TMEM106B: variants seen among roughly 807,000 people sequenced by gnomAD.
TMEM106B encodes the protein transmembrane protein 106B.
Under a neutral mutation model 31.1 loss-of-function variants are expected in TMEM106B, and 15 were observed. The ratio of observed to expected loss-of-function variants is 0.48; its 90% CI spans 0.32 to 0.74. The LOEUF is 0.74. Among genes scored for constraint, TMEM106B ranks in the 30% least tolerant of loss-of-function variants. TMEM106B has a pLI of 0.03. For missense variants in TMEM106B, 283 were observed against 327.3 expected (o/e 0.86, Z 1.04); for synonymous variants, 126 against 112.5 (o/e 1.12, Z -0.76).
chr7:12,225,407 T>C (rs1583455329), intron 4 of TMEM106B, among the ~76,000 whole-genome samples: 2 of 152,272 alleles, frequency 1.3e-5, no homozygotes, highest in East Asian at 1.9e-4. Flanking sequence ...CTGGGTCAAA[T>C]GGTATTTCTA....
At chr7:12,217,525 C>T (rs866052639) in intron 2 of TMEM106B, among the ~76,000 whole-genome samples, 10 of 152,206 alleles carry the variant, frequency 6.6e-5, no homozygotes, top group Non-Finnish European at 1.2e-4. Flanking sequence ...GTGTGTTTTT[C>T]TGTGTCCATG....
Position 12,239,673 on chromosome 7 carries a change from A to C in TMEM106B, c.*7698A>C, listed in dbSNP as rs1276682484. 6.6e-6 allele frequency: 1 copy of C among 152,126 alleles called. No homozygotes were observed. The highest frequency in any genetic ancestry group is 2.4e-5 in the African/African-American group (1 of 41,422). The allele number at this position is 152,126 out of a possible 1,614,324, so 9.4% of individuals were successfully genotyped here. A position where few individuals can be genotyped will look rare whatever the true frequency, so the allele number is the denominator to read the frequency against. ...TAGGATTATTAATTGGCCTAATTTC[A>C]ATGTTATTTTGTCTCAAGGAGAGAG... On this transcript the variant is annotated 3_prime_UTR_variant, in exon 8 of 8. Coordinates refer to ENST00000396668, the MANE Select transcript of TMEM106B (RefSeq NM_001134232.2).
intron 5 of TMEM106B, 130 bp downstream of exon 5, chr7:12,229,949 G>T: frequency 1.9e-6 from 2 of 1,036,382 alleles, no homozygotes; most frequent in Non-Finnish European, 1.4e-6. Context: ...GGGTACAGTG[G>T]CTCATGCCTG....
rs1296853505 is a variant in TMEM106B, at chr7:12,234,141, C to G, written c.*2166C>G. The stretch of plus-strand genomic sequence containing the variant: ...ACAAAAATCAATCCTTGTTTTCTTG[C>G]TTGTGTCTTTTAACCTTGGAAAATT... On this transcript the variant is annotated 3_prime_UTR_variant, in exon 8 of 8. Transcript: ENST00000396668. 1.3e-5 allele frequency: 2 copies of G among 151,708 alleles called. No individual in the cohort carries two copies. Among genetic ancestry groups the G allele is most frequent in the Non-Finnish European group, 3.0e-5 (2 of 67,738 alleles). The allele number at this position is 151,708 out of a possible 1,614,324, so 9.4% of individuals were successfully genotyped here. A position where few individuals can be genotyped will look rare whatever the true frequency, so the allele number is the denominator to read the frequency against.
rs934110207 is a variant in TMEM106B, at chr7:12,227,879, C to A, written c.442-1800C>A. On this transcript the variant is annotated intron_variant, in intron 4 of 7. Coordinates refer to ENST00000396668, the MANE Select transcript of TMEM106B (RefSeq NM_001134232.2). ...CTTAATTCTCATAAGGATTTGTATT[C>A]TCAACCTGTATTACATCATTGATCC... Among the ~76,000 whole-genome samples the A allele has an allele frequency of 2.6e-5, 4 of 151,478 alleles. No homozygotes were observed. The South Asian group carries it at 8.3e-4, about 32-fold the overall frequency.
rs764690908 is a variant in TMEM106B at position 12,218,509 on chromosome 7, G to A, written c.269G>A (p.Arg90Lys). The A allele has an allele frequency of 6.2e-7, 1 of 1,611,266 alleles. No individual in the cohort carries two copies. Among genetic ancestry groups the A allele is most frequent in the Non-Finnish European group, 8.5e-7 (1 of 1,178,616 alleles). The change falls in exon 3 of 8, where the codon AGG (arginine) becomes AAG (lysine). Residue 90 changes from arginine (R) to lysine (K), a missense_variant. Around this residue, in one of 3 missense-constraint regions of TMEM106B, gnomAD observed 5 missense variants for 26.4 expected, o/e 0.19. Coordinates refer to ENST00000396668, the MANE Select transcript of TMEM106B (RefSeq NM_001134232.2). ...ATTCCATATAGTGATCAGAGATTAA[G>A]GCCAAGAAGAACGTAAGTGATTCTA... ...ALIPYSDQRLRPRRTKLYVMA... is the reference protein window; with the variant it reads ...ALIPYSDQRLKPRRTKLYVMA...
intron 2 of TMEM106B, among the ~76,000 whole-genome samples, chr7:12,216,894 G>T (rs556617408): frequency 6.6e-6 from 1 of 152,286 alleles, no homozygotes; most frequent in Non-Finnish European, 1.5e-5. Context: ...AAGACGTGTA[G>T]CATGTATAGA....
intron 1 of TMEM106B, among the ~76,000 whole-genome samples, chr7:12,213,713 C>T (rs1781626561): frequency 6.6e-6 from 1 of 152,118 alleles, no homozygotes; most frequent in Non-Finnish European, 1.5e-5. Context: ...TAAATGGCTC[C>T]TTTGTTTCAG....
chr7:12,223,714 T>C (rs1781833965), intron 3 of TMEM106B, among the ~76,000 whole-genome samples: 1 of 149,200 alleles, frequency 6.7e-6, no homozygotes, highest in Admixed American at 6.8e-5. Flanking sequence ...TGTCCAAAAA[T>C]GTGATTCCTT....
chr7:12,219,995 C>T (rs2128524998), intron 3 of TMEM106B, among the ~76,000 whole-genome samples: 1 of 152,188 alleles, frequency 6.6e-6, no homozygotes, highest in East Asian at 1.9e-4. Context: ...AATTCTTGAA[C>T]TTTAAGAAAA....
chr7:12,225,002 T>C (rs1781871112), intron 4 of TMEM106B, among the ~76,000 whole-genome samples: 1 of 152,118 alleles, frequency 6.6e-6, no homozygotes, highest in South Asian at 2.1e-4. Flanking sequence ...TTTCTCCTAA[T>C]GCTATCCCTC....
Position 12,229,747 on chromosome 7 carries a change from A to G in TMEM106B, c.510A>G (p.Gln170=), listed in dbSNP as rs144597777. ...TTGAAAACATCACTGCCCAAGTTCA[A>G]TTTTCAAAAACAGTTATTGGAAAGG... ...VEVENITAQV[Q]FSKTVIGKAR... is the part of the protein sequence containing the mutation. Residue 170 remains glutamine (Q), a synonymous_variant, in exon 5 of 8, where the codon CAA becomes CAG. Coordinates refer to ENST00000396668, the MANE Select transcript of TMEM106B (RefSeq NM_001134232.2). 6.2e-5 allele frequency: 100 copies of G among 1,613,344 alleles called. No homozygotes were observed. Among genetic ancestry groups the G allele is most frequent in the Non-Finnish European group, 8.1e-5 (95 of 1,179,722 alleles).
chr7:12,232,072 A>C lies in TMEM106B; in HGVS notation c.*97A>C. On this transcript the variant is annotated 3_prime_UTR_variant, in exon 8 of 8. Coordinates refer to ENST00000396668, the MANE Select transcript of TMEM106B (RefSeq NM_001134232.2). The stretch of plus-strand genomic sequence containing the variant: ...CCTAATAGGAGACCTTAAATTGAAC[A>C]AACCTAAAGTTTACACTTCTAAGAG... The C allele has an allele frequency of 8.2e-7, 1 of 1,215,916 alleles. No homozygotes were observed. 75.3% of individuals were successfully genotyped at this position (1,215,916 alleles called of 1,614,324 possible).
chr7:12,230,570 G>A, intron 6 of TMEM106B, 132 bp downstream of exon 6: 1 of 571,590 alleles, frequency 1.7e-6, no homozygotes, highest in Admixed American at 3.6e-5. Context: ...TCTGGCTTCT[G>A]GTCCTCTCTG....
In TMEM106B at chr7:12,238,973, C is replaced by T. The variant is rs563906317; in HGVS notation, c.*6998C>T. 2 of 152,210 alleles carry T rather than the reference C, an allele frequency of 1.3e-5. No individual in the cohort carries two copies. The highest frequency in any genetic ancestry group is 1.3e-4 in the Admixed American group (2 of 15,278). The allele number at this position is 152,210 out of a possible 1,614,324, so 9.4% of individuals were successfully genotyped here. ...TCACCACTAAAGAGAGTCAGCCTGTCCTTTAAAGCTTTAAAGGCAAGCATT... is the reference window on the plus strand; with the variant it reads ...TCACCACTAAAGAGAGTCAGCCTGTTCTTTAAAGCTTTAAAGGCAAGCATT... On this transcript the variant is annotated 3_prime_UTR_variant, in exon 8 of 8. Transcript: ENST00000396668.
chr7:12,237,294 C>G lies in TMEM106B; in HGVS notation c.*5319C>G, dbSNP rs1782157325. The G allele has an allele frequency of 6.6e-6, 1 of 152,124 alleles. No homozygotes were observed. The highest frequency in any genetic ancestry group is 1.5e-5 in the Non-Finnish European group (1 of 67,984). 9.4% of individuals were successfully genotyped at this position (152,124 alleles called of 1,614,324 possible). On this transcript the variant is annotated 3_prime_UTR_variant, in exon 8 of 8. Transcript: ENST00000396668. ...GGCTATGCTTTTGAAATTTCCTTAACATAAACAAATCAGTGTAGATATTCA... is the reference window on the plus strand; with the variant it reads ...GGCTATGCTTTTGAAATTTCCTTAAGATAAACAAATCAGTGTAGATATTCA...
intron 3 of TMEM106B, among the ~76,000 whole-genome samples, chr7:12,223,557 TA>T (rs5882346): frequency 0.51 from 76,805 of 151,708 alleles, 20,474 homozygotes; most frequent in African/African-American, 0.66. Context: ...TGGCAAAACT[TA>T]ACATGTGAAA....
chr7:12,218,391 G>T (rs1322078723), intron 2 of TMEM106B, 67 bp from the exon 3 acceptor site: 2 of 1,351,088 alleles, frequency 1.5e-6, no homozygotes, highest in African/African-American at 2.9e-5. Context: ...AAACCAGATT[G>T]TGATGGGGAG....
intron 3 of TMEM106B, among the ~76,000 whole-genome samples, chr7:12,223,945 T>C (rs1032709655): frequency 2.6e-5 from 4 of 151,952 alleles, no homozygotes; most frequent in Non-Finnish European, 2.9e-5. Flanking sequence ...GGTCTCGAAC[T>C]CCTGACCTCT....
Sources: allele counts gnomAD v4.1 joint callset (sites outside exome capture counted in the v4.1 genomes callset), GRCh38; gene constraint gnomAD v4.1.1; regional missense constraint gnomAD v4.1.1; transcripts MANE v1.5; gene names NCBI Gene and HGNC (gene_info 2026-07-23, HGNC 2026-07-21).